Variants in CASP10 observed in about 807,000 individuals in gnomAD.
The protein encoded by CASP10 is caspase-10.
In CASP10, 41 loss-of-function variants were observed where a neutral mutation model predicts 48.5. The observed-to-expected ratio is 0.85, with a 90% CI of 0.66 to 1.10. The LOEUF (loss-of-function observed/expected upper bound fraction) is 1.10, where lower values mean the gene tolerates loss of function less well. Ranked by LOEUF, CASP10 falls within the 50% of genes least tolerant of loss-of-function variation. The pLI is 0.00. For synonymous variants in CASP10, 232 were observed against 238.4 expected, an observed-to-expected ratio of 0.97 and a Z score of 0.25; for missense variants, 614 against 614.5, an observed-to-expected ratio of 1.00 and a Z score of 0.01.
intron 4 of CASP10, among the ~76,000 whole-genome samples, chr2:201,194,021 T>A (rs370405242): frequency 3.6e-4 from 55 of 152,170 alleles, no homozygotes; most frequent in African/African-American, 1.3e-3. Flanking sequence ...TATGGCTCTC[T>A]CAGAGAGAAA....
chr2:201,188,369 A>T (rs1187904544), intron 3 of CASP10, among the ~76,000 whole-genome samples: 3 of 152,004 alleles, frequency 2.0e-5, no homozygotes, highest in Non-Finnish European at 2.9e-5. Flanking sequence ...TAGTACAGAC[A>T]GGGTTTCACC....
intron 9 of CASP10, among the ~76,000 whole-genome samples, chr2:201,216,943 T>C (rs1945589976): frequency 6.6e-6 from 1 of 152,226 alleles, no homozygotes; most frequent in Non-Finnish European, 1.5e-5. Flanking sequence ...GCATGAAGCC[T>C]TCTCTCTCCC....
Position 201,219,694 on chromosome 2 carries a change from A to G in CASP10, c.*1953A>G, listed in dbSNP as rs1576150987. 1 of 970,006 alleles carries G rather than the reference A, an allele frequency of 1.0e-6. No individual in the cohort carries two copies. The highest frequency in any genetic ancestry group is 4.8e-5 in the South Asian group (1 of 20,730). 60.1% of individuals were successfully genotyped at this position (970,006 alleles called of 1,614,324 possible). A position where few individuals can be genotyped will look rare whatever the true frequency, so the allele number is the denominator to read the frequency against. On this transcript the variant is annotated 3_prime_UTR_variant, in exon 10 of 10. Transcript: ENST00000286186. ...CTTCATTAAGATTTTGAGCATTTTT[A>G]CGTACTTGAGCTTTTTTTTTTTTTT...
chr2:201,193,898 T>C (rs1380452048), intron 4 of CASP10, among the ~76,000 whole-genome samples: 2 of 152,162 alleles, frequency 1.3e-5, no homozygotes, highest in Non-Finnish European at 2.9e-5. Context: ...TCCCTATCTG[T>C]AAAGTGGGCA....
Position 201,217,654 on chromosome 2 carries a change from G to C in CASP10, c.1482G>C (p.Gln494His). The C allele has an allele frequency of 6.2e-7, 1 of 1,614,194 alleles. No homozygotes were observed. The highest frequency in any genetic ancestry group is 8.5e-7 in the Non-Finnish European group (1 of 1,180,024). ...NDDVSRRVDK[Q>H]GTKKQMPQPA... The stretch of plus-strand genomic sequence containing the variant: ...ATGTGAGTCGAAGAGTGGACAAACA[G>C]GGAACAAAGAAACAGATGCCCCAGC... Residue 494 changes from glutamine to histidine, a missense_variant, in exon 10 of 10, where the codon CAG becomes CAC. Gln to His is a conservative substitution (Grantham distance 24, BLOSUM62 0). Coordinates refer to ENST00000286186, the MANE Select transcript of CASP10 (RefSeq NM_032977.4).
downstream of CASP10, among the ~76,000 whole-genome samples, chr2:201,225,175 T>C (rs905719830): frequency 2.6e-5 from 4 of 152,178 alleles, no homozygotes; most frequent in Admixed American, 6.5e-5. Flanking sequence ...ACTGACCCTA[T>C]CTATTGTCTT....
rs540432209 is a variant in CASP10, at chr2:201,208,804, G to A, written c.923-266G>A. ...AGCCATTCTCGTGCCTCAGCCTCCC[G>A]AGTAGCAGGGATTACAGGCGTGAGC... On this transcript the variant is annotated intron_variant, in intron 8 of 9. Coordinates refer to ENST00000286186, the MANE Select transcript of CASP10 (RefSeq NM_032977.4). Among the ~76,000 whole-genome samples, 32 of 151,998 alleles carry A rather than the reference G, an allele frequency of 2.1e-4. No individual in the cohort carries two copies. The East Asian group carries it at 3.9e-3, about 18-fold the overall frequency.
Position 201,219,478 on chromosome 2 carries a change from G to A in CASP10, c.*1737G>A, listed in dbSNP as rs1945667689. 1.0e-6 allele frequency: 1 copy of A among 985,358 alleles called. No individual in the cohort carries two copies. Among genetic ancestry groups the A allele is most frequent in the African/African-American group, 1.7e-5 (1 of 57,250 alleles). The allele number at this position is 985,358 out of a possible 1,614,324, so 61.0% of individuals were successfully genotyped here. On this transcript the variant is annotated 3_prime_UTR_variant, in exon 10 of 10. Transcript: ENST00000286186. ...TGGCCGGATGTCCTCAGGGCTGGCAGATGCAGTAGACTGCAGTGGACAGTC... is the reference window on the plus strand; with the variant it reads ...TGGCCGGATGTCCTCAGGGCTGGCAAATGCAGTAGACTGCAGTGGACAGTC...
At chr2:201,208,931 G>A in intron 8 of CASP10, 139 bp from the exon 9 acceptor site, 1 of 890,684 alleles carries the variant, frequency 1.1e-6, no homozygotes, top group Non-Finnish European at 1.7e-6. Context: ...GCCTGCTTCG[G>A]CCTTCCAAAG....
intron 5 of CASP10, among the ~76,000 whole-genome samples, chr2:201,198,112 G>A (rs943031206): frequency 2.6e-5 from 4 of 151,942 alleles, no homozygotes; most frequent in Admixed American, 1.3e-4. Flanking sequence ...TAGGGCTGTC[G>A]AGCATCTTCT....
At chr2:201,223,403 C>A (rs1576155592), downstream of CASP10, among the ~76,000 whole-genome samples, 1 of 152,208 alleles carries the variant, frequency 6.6e-6, no homozygotes, top group Non-Finnish European at 1.5e-5. Context: ...ACCCTGCAGT[C>A]CAGCCCTCAA....
intron 4 of CASP10, 91 bp from the exon 5 acceptor site, chr2:201,195,751 C>G: frequency 1.1e-6 from 1 of 947,310 alleles, no homozygotes. Context: ...AATCTTGGCT[C>G]ACTGCAACCT....
intron 3 of CASP10, among the ~76,000 whole-genome samples, chr2:201,192,276 C>A (rs150944366): frequency 3.9e-5 from 6 of 152,176 alleles, no homozygotes; most frequent in African/African-American, 1.2e-4. Context: ...AGCCTGTAAT[C>A]CCAGCTACTC....
chr2:201,203,253 T>G (rs868636609), intron 5 of CASP10, among the ~76,000 whole-genome samples: 2 of 152,240 alleles, frequency 1.3e-5, no homozygotes, highest in Admixed American at 6.5e-5. Flanking sequence ...TTTGTGAACC[T>G]TCTCCTTTGG....
At chr2:201,216,484 A>T (rs931893893) in intron 9 of CASP10, among the ~76,000 whole-genome samples, 1 of 152,186 alleles carries the variant, frequency 6.6e-6, no homozygotes, top group South Asian at 2.1e-4. Context: ...TAAGAAGGAA[A>T]CAGACACAGG....
At chr2:201,208,224 A>T (rs1945274155) in intron 8 of CASP10, 41 bp downstream of exon 8, 1 of 1,587,614 alleles carries the variant, frequency 6.3e-7, no homozygotes, top group South Asian at 1.2e-5. Flanking sequence ...CAAATTGGGG[A>T]TCTTAAAATT....
intron 4 of CASP10, among the ~76,000 whole-genome samples, chr2:201,193,712 C>T (rs752879418): frequency 5.3e-5 from 8 of 152,154 alleles, no homozygotes; most frequent in African/African-American, 7.2e-5. Context: ...TTTAGACAAA[C>T]GTCTTTTTCT....
chr2:201,202,684 C>T (rs1372235761), intron 5 of CASP10, among the ~76,000 whole-genome samples: 1 of 152,172 alleles, frequency 6.6e-6, no homozygotes, highest in Non-Finnish European at 1.5e-5. Context: ...GAAGCTAAGC[C>T]TCCTTTGCAT....
rs1449230931 is a variant in CASP10, at chr2:201,217,883, ATTT to A, written c.*144_*146del. ...GTGTTTTCTGACACAGTCAATTCTG[ATTT>A]TCTTTTTCTTTTGCAAGTCTAAATG... On this transcript the variant is annotated 3_prime_UTR_variant, in exon 10 of 10. Coordinates refer to ENST00000286186, the MANE Select transcript of CASP10 (RefSeq NM_032977.4). 5 of 1,568,718 alleles carry A rather than the reference ATTT, an allele frequency of 3.2e-6. No homozygotes were observed. The East Asian group carries it at 1.1e-4, about 36-fold the overall frequency.
Sources: allele counts gnomAD v4.1 joint callset (sites outside exome capture counted in the v4.1 genomes callset), GRCh38; gene constraint gnomAD v4.1.1; transcripts MANE v1.5; gene names NCBI Gene and HGNC (gene_info 2026-07-23, HGNC 2026-07-21).